CYB5A: variants seen among roughly 807,000 people sequenced by gnomAD.
The protein encoded by CYB5A is cytochrome b5 type A.
In CYB5A, 10 loss-of-function variants were observed where a neutral mutation model predicts 16.2. That is an observed-to-expected ratio of 0.62 (90% confidence interval 0.38 to 1.04). The LOEUF is 1.04. CYB5A is among the 50% of genes least tolerant of loss of function. CYB5A has a pLI of 0.01. For missense variants in CYB5A, 161 were observed against 165.9 expected (o/e 0.97, Z 0.16); for synonymous variants, 62 against 57.0 (o/e 1.09, Z -0.40).
At chr18:74,260,882 A>T in intron 3 of CYB5A, 33 bp downstream of exon 3, 2 of 1,593,346 alleles carry the variant, frequency 1.3e-6, no homozygotes, top group Non-Finnish European at 1.7e-6. Flanking sequence ...TACAACGAGA[A>T]CATCCAGAGA....
chr18:74,289,072 G>A (rs1983429735), intron 1 of CYB5A, among the ~76,000 whole-genome samples: 1 of 152,140 alleles, frequency 6.6e-6, no homozygotes, highest in Admixed American at 6.5e-5. Flanking sequence ...AACTCCTTGT[G>A]TTTCTCCCAG....
At chr18:74,289,238 C>T (rs1983436366) in intron 1 of CYB5A, among the ~76,000 whole-genome samples, 1 of 152,180 alleles carries the variant, frequency 6.6e-6, no homozygotes, top group East Asian at 1.9e-4. Context: ...AGAGCTTGCT[C>T]TCATCTCTCA....
intron 1 of CYB5A, among the ~76,000 whole-genome samples, chr18:74,276,897 A>G (rs957805585): frequency 6.6e-6 from 1 of 152,180 alleles, no homozygotes; most frequent in Non-Finnish European, 1.5e-5. Flanking sequence ...ACTCCTTGGC[A>G]AGTAAGAGAA....
intron 1 of CYB5A, among the ~76,000 whole-genome samples, chr18:74,279,531 AAAAT>A (rs1187111325): frequency 1.3e-5 from 2 of 151,752 alleles, no homozygotes; most frequent in African/African-American, 4.8e-5. Flanking sequence ...CTCCGTCTCA[AAAAT>A]AAATAAATAA....
At position 74,256,823 on chromosome 18, in the gene CYB5A, C is replaced by T. The variant is rs748511232; in HGVS notation, c.289-1048G>A. The T allele has an allele frequency of 3.1e-6, 5 of 1,613,706 alleles. No individual in the cohort carries two copies. In the African/African-American group the frequency reaches 5.3e-5, roughly 17 times the overall value. On this transcript the variant is annotated intron_variant, in intron 3 of 4. Coordinates refer to ENST00000340533, the MANE Select transcript of CYB5A (RefSeq NM_148923.4). ...AAGCAAGCAAAGCAGTTATGAGACC[C>T]ACCAACCTTGAAACACCGCCTTTAA...
At chr18:74,255,681 C>A in intron 4 of CYB5A, 60 bp downstream of exon 4, 3 of 1,452,976 alleles carry the variant, frequency 2.1e-6, no homozygotes, top group Non-Finnish European at 2.9e-6. Flanking sequence ...CGCACCTTGT[C>A]CAACCTGGAC....
At chr18:74,275,648 T>C (rs1171524826) in intron 1 of CYB5A, among the ~76,000 whole-genome samples, 1 of 152,116 alleles carries the variant, frequency 6.6e-6, no homozygotes, top group African/African-American at 2.4e-5. Context: ...AACTCACGAA[T>C]ACACAGTCCG....
chr18:74,273,784 G>C (rs1247531599), intron 1 of CYB5A, among the ~76,000 whole-genome samples: 2 of 152,178 alleles, frequency 1.3e-5, no homozygotes, highest in Non-Finnish European at 2.9e-5. Flanking sequence ...GCTCCCCCGG[G>C]GATCACAACA....
At position 74,253,602 on chromosome 18, in the gene CYB5A, T is replaced by G. The variant is rs190281470; in HGVS notation, c.387A>C (p.Leu129=). The G allele has an allele frequency of 3.7e-5, 59 of 1,612,974 alleles. No homozygotes were observed. The East Asian group carries it at 1.3e-3, about 35-fold the overall frequency. ...SAVAVALMYR[L]YMAED The stretch of plus-strand genomic sequence containing the variant: ...GAGGTGTTCAGTCCTCTGCCATGTA[T>G]AGGCGATACATCAAGGCGACGGCCA... Residue 129 remains leucine (L), a synonymous_variant, in exon 5 of 5, where the codon CTA becomes CTC. Transcript: ENST00000340533.
rs1004530860 is a variant in CYB5A, at chr18:74,253,056, A to C, written c.*528T>G. 1.9e-5 allele frequency: 3 copies of C among 159,112 alleles called. No homozygotes were observed. The highest frequency in any genetic ancestry group is 4.1e-5 in the Non-Finnish European group (3 of 72,446). The allele number at this position is 159,112 out of a possible 1,614,324, so 9.9% of individuals were successfully genotyped here. A position where few individuals can be genotyped will look rare whatever the true frequency, so the allele number is the denominator to read the frequency against. On this transcript the variant is annotated 3_prime_UTR_variant, in exon 5 of 5. Transcript: ENST00000340533. ...GTAGGACAATTATTAGAAATCCTTA[A>C]ACTATAATTTCTGGCCTTTCTTAAT... is the stretch of plus-strand genomic sequence containing the variant.
At chr18:74,255,824 T>G in intron 3 of CYB5A, 49 bp from the exon 4 acceptor site, 1 of 1,392,618 alleles carries the variant, frequency 7.2e-7, no homozygotes, top group Non-Finnish European at 1.0e-6. Context: ...AATGCTGAAC[T>G]TATTTCATTG....
intron 3 of CYB5A, 33 bp from the exon 4 acceptor site, chr18:74,255,808 C>A: frequency 6.5e-7 from 1 of 1,533,628 alleles, no homozygotes; most frequent in South Asian, 1.1e-5. Flanking sequence ...AAAGTAAGTT[C>A]AAGGGAATGC....
intron 1 of CYB5A, among the ~76,000 whole-genome samples, chr18:74,265,168 T>C (rs1568217092): frequency 6.6e-6 from 1 of 152,194 alleles, no homozygotes; most frequent in Non-Finnish European, 1.5e-5. Context: ...CTGTTTCTCT[T>C]CCTACTTGGT....
chr18:74,264,562 A>G (rs1420754398), intron 1 of CYB5A, among the ~76,000 whole-genome samples: 1 of 152,196 alleles, frequency 6.6e-6, no homozygotes, highest in East Asian at 1.9e-4. Flanking sequence ...TGTCAGATAG[A>G]TGAGTCCCTG....
At chr18:74,278,451 A>G (rs1982967593) in intron 1 of CYB5A, among the ~76,000 whole-genome samples, 1 of 152,290 alleles carries the variant, frequency 6.6e-6, no homozygotes, top group Non-Finnish European at 1.5e-5. Context: ...CACAGAGACT[A>G]TGTATAGTCC....
intron 1 of CYB5A, among the ~76,000 whole-genome samples, chr18:74,271,294 C>T (rs1982658096): frequency 6.6e-6 from 1 of 152,214 alleles, no homozygotes; most frequent in Non-Finnish European, 1.5e-5. Context: ...TTCCCTGAGA[C>T]AGCCTCGTAG....
At chr18:74,270,016 C>T (rs529926579) in intron 1 of CYB5A, among the ~76,000 whole-genome samples, 9 of 152,210 alleles carry the variant, frequency 5.9e-5, no homozygotes, top group South Asian at 2.1e-4. Flanking sequence ...AACAGTAACA[C>T]GTTCCCACTG....
Position 74,253,516 on chromosome 18 carries a change from G to GT in CYB5A, c.*67dup. On this transcript the variant is annotated 3_prime_UTR_variant, in exon 5 of 5. Coordinates refer to ENST00000340533, the MANE Select transcript of CYB5A (RefSeq NM_148923.4). ...GTGAAGGTTTCTGTCAGTTGAAGTAGTTAGCAATGGCTTCTTTTCTCCCGT... is the reference window on the plus strand; with the variant it reads ...GTGAAGGTTTCTGTCAGTTGAAGTAGTTTAGCAATGGCTTCTTTTCTCCCGT... 1 of 940,318 alleles carries GT rather than the reference G, an allele frequency of 1.1e-6. No individual in the cohort carries two copies. The highest frequency in any genetic ancestry group is 1.7e-6 in the Non-Finnish European group (1 of 576,290). The allele number at this position is 940,318 out of a possible 1,614,324, so 58.2% of individuals were successfully genotyped here. A position where few individuals can be genotyped will look rare whatever the true frequency, so the allele number is the denominator to read the frequency against.
intron 1 of CYB5A, among the ~76,000 whole-genome samples, chr18:74,280,378 C>T (rs865839262): frequency 1.4e-5 from 2 of 148,090 alleles, no homozygotes; most frequent in Admixed American, 1.4e-4. Context: ...CAGCTGGCAG[C>T]TGGGCAACAC....
Sources: allele counts gnomAD v4.1 joint callset (sites outside exome capture counted in the v4.1 genomes callset), GRCh38; gene constraint gnomAD v4.1.1; transcripts MANE v1.5; gene names NCBI Gene and HGNC (gene_info 2026-07-23, HGNC 2026-07-21).